The following POP4 variants were observed in gnomAD, a reference collection of about 807,000 sequenced individuals.
POP4 encodes the protein ribonuclease P protein subunit p29.
POP4 carries 31 observed loss-of-function variants against 29.9 expected under a neutral mutation model. The ratio of observed to expected loss-of-function variants is 1.04; its 90% confidence interval spans 0.78 to 1.40. The LOEUF (loss-of-function observed/expected upper bound fraction) is 1.40, where lower values mean the gene tolerates loss of function less well. Ranked by LOEUF, POP4 falls within the 40% of genes most tolerant of loss-of-function variation. The pLI is 0.00. For missense variants in POP4, 286 were observed against 282.7 expected, an observed-to-expected ratio of 1.01 and a Z score of -0.08; for synonymous variants, 110 against 108.2, an observed-to-expected ratio of 1.02 and a Z score of -0.10.
At chr19:29,614,003 C>G in intron 6 of POP4, 31 bp downstream of exon 6, 1 of 1,595,418 alleles carries the variant, frequency 6.3e-7, no homozygotes, top group South Asian at 1.1e-5. Context: ...GCATTGCTTG[C>G]GGGCTGTGGC....
chr19:29,615,223 C>CTTTTT, intron 6 of POP4, 21 bp from the exon 7 acceptor site: 3 of 1,324,486 alleles, frequency 2.3e-6, no homozygotes, highest in South Asian at 1.6e-5. Flanking sequence ...TTTCTCCTGC[C>CTTTTT]TTTTTTTTTT....
In POP4 at chr19:29,611,913, C is replaced by T; in HGVS notation, c.336C>T (p.Asp112=). The change falls in exon 4 of 7, where the codon GAC becomes GAT. Residue 112 remains aspartate, a synonymous_variant. Transcript: ENST00000585603. ...LHELWKQYIR[D]LCSGLKPDTQ... is the part of the protein sequence containing the mutation. ...AACTCTGGAAACAGTACATCAGGGACCTGTGCAGTGGGCTCAAGCCAGACA... is the reference window on the plus strand; with the variant it reads ...AACTCTGGAAACAGTACATCAGGGATCTGTGCAGTGGGCTCAAGCCAGACA... The T allele has an allele frequency of 6.2e-7, 1 of 1,614,182 alleles. No individual in the cohort carries two copies. Among genetic ancestry groups the T allele is most frequent in the Non-Finnish European group, 8.5e-7 (1 of 1,180,014 alleles).
intron 2 of POP4, 50 bp downstream of exon 2, chr19:29,608,759 G>A (rs754045623): frequency 1.3e-6 from 2 of 1,547,504 alleles, no homozygotes; most frequent in Non-Finnish European, 1.8e-6. Context: ...TGGCAAAGAT[G>A]GCTCAGTAGC....
intron 2 of POP4, among the ~76,000 whole-genome samples, chr19:29,609,625 C>G (rs77679188): frequency 7.0e-5 from 10 of 143,610 alleles, no homozygotes; most frequent in African/African-American, 1.6e-4. Flanking sequence ...TGGAGGGTTT[C>G]TTTGTTTGTT....
intron 3 of POP4, chr19:29,611,651 G>C (rs886414332): frequency 3.5e-6 from 2 of 569,098 alleles, no homozygotes; most frequent in Non-Finnish European, 6.3e-6. Context: ...CCCTGGGCTG[G>C]TGTGGTCCTA....
intron 3 of POP4, chr19:29,611,235 TC>T (rs1427079999): frequency 6.4e-6 from 1 of 155,848 alleles, no homozygotes; most frequent in Non-Finnish European, 1.4e-5. Context: ...CCGGCCCCAC[TC>T]AGGAGATCAG....
chr19:29,606,487 C>T (rs1970999121), intron 1 of POP4, 162 bp downstream of exon 1: 3 of 798,414 alleles, frequency 3.8e-6, no homozygotes, highest in Non-Finnish European at 5.6e-6. Flanking sequence ...GGCTGGAGCA[C>T]GGGTTAGCCT....
At position 29,613,977 on chromosome 19, in the gene POP4, G is replaced by A. The variant is rs1174469441; in HGVS notation, c.526+5G>A. The A allele has an allele frequency of 1.2e-5, 20 of 1,609,674 alleles. No homozygotes were observed. The highest frequency in any genetic ancestry group is 1.7e-5 in the Non-Finnish European group (20 of 1,178,628). ...CCAAAGAAGACCGCCTGAAAGGTAT[G>A]TAGGTGTTTCTGAGGGCATTGCTTG... On this transcript the variant is annotated splice_donor_5th_base_variant and intron_variant, in intron 6 of 6. Coordinates refer to ENST00000585603, the MANE Select transcript of POP4 (RefSeq NM_006627.3).
chr19:29,609,103 T>G (rs1185614946), intron 2 of POP4: 1 of 161,092 alleles, frequency 6.2e-6, no homozygotes, highest in African/African-American at 2.4e-5. Context: ...TCGGCCTGCT[T>G]TGTCAGTTTT....
At chr19:29,607,239 A>G (rs1971008888) in intron 1 of POP4, among the ~76,000 whole-genome samples, 1 of 151,404 alleles carries the variant, frequency 6.6e-6, no homozygotes, top group African/African-American at 2.4e-5. Flanking sequence ...TTGAAGACCA[A>G]CTTGGGCAAC....
chr19:29,610,462 C>T lies in POP4; in HGVS notation c.114C>T (p.Ser38=). 1.3e-6 allele frequency: 2 copies of T among 1,598,958 alleles called. No individual in the cohort carries two copies. ...TCGTGAGGGCCTTCCTGAAGCGCAG[C>T]ACGCCCCGCATGAGCCCGCAGGCCC... ...EAFVRAFLKR[S]TPRMSPQARE... The change falls in exon 3 of 7, where the codon AGC becomes AGT. Residue 38 remains serine (S), a synonymous_variant. Coordinates refer to ENST00000585603, the MANE Select transcript of POP4 (RefSeq NM_006627.3).
At chr19:29,611,361 C>T (rs1335692264) in intron 3 of POP4, among the ~76,000 whole-genome samples, 4 of 152,178 alleles carry the variant, frequency 2.6e-5, no homozygotes, top group South Asian at 2.1e-4. Flanking sequence ...TTTGTGGTAA[C>T]GGATTCCCCA....
At position 29,615,338 on chromosome 19, in the gene POP4, G is replaced by A; in HGVS notation, c.621G>A (p.Arg207=). 1.2e-6 allele frequency: 2 copies of A among 1,613,516 alleles called. No individual in the cohort carries two copies. The highest frequency in any genetic ancestry group is 1.1e-5 in the South Asian group (1 of 91,042). Residue 207 remains arginine, a synonymous_variant, in exon 7 of 7, where the codon CGG becomes CGA. Transcript: ENST00000585603. ...AATTCCAGCTTCGGTCAAGTGAACG[G>A]TCTGCGAAGAAGTTCAAAGCGAAGG... The part of the protein sequence containing the change: ...GSKFQLRSSE[R]SAKKFKAKGT...
At chr19:29,608,262 C>CTTTTTTTTTTTTTTTTTTT (rs1164860504) in intron 1 of POP4, among the ~76,000 whole-genome samples, 1 of 86,578 alleles carries the variant, frequency 1.2e-5, no homozygotes, top group African/African-American at 5.2e-5. Flanking sequence ...CTTTTCTTTT[C>CTTTTTTTTTTTTTTTTTTT]TTTTTTTTTT....
chr19:29,609,471 A>G (rs950279605), intron 2 of POP4, among the ~76,000 whole-genome samples: 3 of 152,222 alleles, frequency 2.0e-5, no homozygotes, highest in Non-Finnish European at 4.4e-5. Context: ...TGGCTAGTGC[A>G]AAAAGAGCTC....
chr19:29,608,967 GGGACACCA>G, intron 2 of POP4: 1 of 417,370 alleles, frequency 2.4e-6, no homozygotes, highest in Non-Finnish European at 4.4e-6. Context: ...CACTGTGTTG[GGGACACCA>G]GGCTGTGCCC....
Position 29,610,482 on chromosome 19 carries a change from A to G in POP4, c.134A>G (p.Gln45Arg), listed in dbSNP as rs1232619188. Reference sequence around the variant, plus strand: ...CGCAGCACGCCCCGCATGAGCCCGCAGGCCCGCGAGGACCAGCTGCAGCGC... The same window carrying G: ...CGCAGCACGCCCCGCATGAGCCCGCGGGCCCGCGAGGACCAGCTGCAGCGC... ...LKRSTPRMSP[Q>R]AREDQLQRKA... is the part of the protein sequence containing the mutation. The change falls in exon 3 of 7, where the codon CAG (glutamine) becomes CGG (arginine). Residue 45 changes from glutamine to arginine, a missense_variant. Gln to Arg is a conservative substitution (Grantham distance 43). Transcript: ENST00000585603. 1 of 1,608,354 alleles carries G rather than the reference A, an allele frequency of 6.2e-7. No homozygotes were observed. The highest frequency in any genetic ancestry group is 8.5e-7 in the Non-Finnish European group (1 of 1,177,768).
chr19:29,613,802 G>T, intron 5 of POP4, 69 bp from the exon 6 acceptor site: 1 of 1,542,640 alleles, frequency 6.5e-7, no homozygotes, highest in South Asian at 1.3e-5. Context: ...CAACCCCTGA[G>T]GCCTGCTTCT....
In POP4 at chr19:29,613,889, C is replaced by T. The variant is rs928496141; in HGVS notation, c.443C>T (p.Pro148Leu). The part of the protein sequence containing the change: ...AIISVTKSKC[P>L]SYVGITGILL... ...TTTGCAGTGACAAAATCCAAATGCC[C>T]CTCTTATGTGGGTATTACAGGAATC... The change falls in exon 6 of 7, where the codon CCC becomes CTC. Residue 148 changes from proline (P) to leucine (L), a missense_variant. Coordinates refer to ENST00000585603, the MANE Select transcript of POP4 (RefSeq NM_006627.3). The T allele has an allele frequency of 6.2e-6, 10 of 1,613,124 alleles. No homozygotes were observed. Among genetic ancestry groups the T allele is most frequent in the Non-Finnish European group, 8.5e-6 (10 of 1,179,724 alleles).
Sources: allele counts gnomAD v4.1 joint callset (sites outside exome capture counted in the v4.1 genomes callset), GRCh38; gene constraint gnomAD v4.1.1; transcripts MANE v1.5; gene names NCBI Gene and HGNC (gene_info 2026-07-23, HGNC 2026-07-21).